SPATA16: variants seen among roughly 807,000 people sequenced by gnomAD.
SPATA16 encodes spermatogenesis associated 16, also known as spermatogenesis-associated protein 16.
Under a neutral mutation model 63.3 loss-of-function variants are expected in SPATA16, and 36 were observed. That is an observed-to-expected ratio of 0.57 (90% CI 0.44 to 0.75). SPATA16 has a LOEUF of 0.75. SPATA16 is among the 30% of genes least tolerant of loss of function. The probability of loss-of-function intolerance (pLI) is 0.00; values close to 1 mark genes in which losing one functional copy is unlikely to be tolerated. For synonymous variants in SPATA16, 203 were observed against 216.7 expected, an observed-to-expected ratio of 0.94 and a Z score of 0.56; for missense variants, 646 against 679.3, an observed-to-expected ratio of 0.95 and a Z score of 0.54.
intron 2 of SPATA16, among the ~76,000 whole-genome samples, chr3:173,093,214 G>A (rs895158806): frequency 6.6e-6 from 1 of 152,002 alleles, no homozygotes. Flanking sequence ...GGTGGTGTTA[G>A]AAGATAGTAG....
chr3:173,129,053 T>C (rs1457636186), intron 1 of SPATA16, among the ~76,000 whole-genome samples: 1 of 152,262 alleles, frequency 6.6e-6, no homozygotes, highest in East Asian at 1.9e-4. Context: ...AATACGTTTA[T>C]AAGAACGAAT....
intron 1 of SPATA16, among the ~76,000 whole-genome samples, chr3:173,131,494 T>C (rs1481939838): frequency 6.7e-6 from 1 of 149,726 alleles, no homozygotes; most frequent in Non-Finnish European, 1.5e-5. Flanking sequence ...ACTGAAGGAG[T>C]GTCACTGGTG....
rs1339697390 is a variant in SPATA16, at chr3:172,971,719, A to T, written c.933+5249T>A. On this transcript the variant is annotated intron_variant, in intron 5 of 10. Coordinates refer to ENST00000351008, the MANE Select transcript of SPATA16 (RefSeq NM_031955.6). ...TAAAGGTATCCACTAACTTAAGAAGACTCTGGACACTATTGCCAAGGTTTC... is the reference window on the plus strand; with the variant it reads ...TAAAGGTATCCACTAACTTAAGAAGTCTCTGGACACTATTGCCAAGGTTTC... Among the ~76,000 whole-genome samples the T allele has an allele frequency of 3.3e-5, 5 of 152,198 alleles. No homozygotes were observed. In the East Asian group the frequency reaches 9.7e-4, roughly 29 times the overall value.
intron 4 of SPATA16, among the ~76,000 whole-genome samples, chr3:173,011,052 A>G (rs1735061654): frequency 6.6e-6 from 1 of 151,854 alleles, no homozygotes; most frequent in Admixed American, 6.6e-5. Context: ...TCCAAAAAAA[A>G]TCAAGGAGGA....
chr3:173,064,673 T>C (rs1326282809), intron 2 of SPATA16, among the ~76,000 whole-genome samples: 1 of 152,184 alleles, frequency 6.6e-6, no homozygotes, highest in Non-Finnish European at 1.5e-5. Flanking sequence ...TCATGAGACA[T>C]GTTCTTCTCA....
chr3:172,905,542 C>A (rs1322541962), intron 10 of SPATA16, among the ~76,000 whole-genome samples: 1 of 152,198 alleles, frequency 6.6e-6, no homozygotes, highest in African/African-American at 2.4e-5. Context: ...AATTTGTATT[C>A]TCTCCTGTTT....
rs879691808 is a variant in SPATA16, at chr3:173,043,040, T to C, written c.758+5909A>G. 2.4e-4 allele frequency among the ~76,000 whole-genome samples: 37 copies of C among 152,116 alleles called. 1 individual carries two copies. Among genetic ancestry groups the C allele is most frequent in the Admixed American group, 2.2e-3 (33 of 15,252 alleles). On this transcript the variant is annotated intron_variant, in intron 3 of 10. Coordinates refer to ENST00000351008, the MANE Select transcript of SPATA16 (RefSeq NM_031955.6). ...ATTGTATAGTGTATCATTTTTCATT[T>C]TTTTACTTTCAATGTATGCTTTATA...
intron 4 of SPATA16, among the ~76,000 whole-genome samples, chr3:173,005,785 A>G (rs1272650760): frequency 1.3e-5 from 2 of 152,154 alleles, no homozygotes; most frequent in African/African-American, 2.4e-5. Context: ...GTGTTTTTCT[A>G]TATTTTTACA....
chr3:172,939,657 T>A (rs1339585019), intron 6 of SPATA16, among the ~76,000 whole-genome samples: 2 of 152,318 alleles, frequency 1.3e-5, no homozygotes, highest in Admixed American at 6.5e-5. Flanking sequence ...CTAAGAGTAA[T>A]GTCCTTTTAA....
chr3:172,962,434 G>A (rs1560080965), intron 5 of SPATA16, among the ~76,000 whole-genome samples: 1 of 151,820 alleles, frequency 6.6e-6, no homozygotes, highest in African/African-American at 2.4e-5. Context: ...TGAAATTTGG[G>A]GTTGTTTGTT....
At chr3:173,003,463 A>G (rs1320381805) in intron 4 of SPATA16, among the ~76,000 whole-genome samples, 4 of 152,240 alleles carry the variant, frequency 2.6e-5, no homozygotes, top group African/African-American at 9.6e-5. Flanking sequence ...AATAAAGCAC[A>G]AAGTCCAGAT....
At chr3:173,086,939 T>G (rs1165624778) in intron 2 of SPATA16, among the ~76,000 whole-genome samples, 1 of 152,198 alleles carries the variant, frequency 6.6e-6, no homozygotes, top group Non-Finnish European at 1.5e-5. Context: ...AGGAGTGTTT[T>G]ATTTCCAATA....
rs756972080 is a variant in SPATA16, at chr3:172,925,326, T to C, written c.1228+20A>G. 1.2e-5 allele frequency: 20 copies of C among 1,613,538 alleles called. No homozygotes were observed. In the South Asian group the frequency reaches 2.2e-4, roughly 18 times the overall value. On this transcript the variant is annotated intron_variant, in intron 7 of 10. Coordinates refer to ENST00000351008, the MANE Select transcript of SPATA16 (RefSeq NM_031955.6). ...TCACAGGCTACTATATGCTAGACCTTGTAGGTTCAGATGATTTACCTGTGA... is the reference window on the plus strand; with the variant it reads ...TCACAGGCTACTATATGCTAGACCTCGTAGGTTCAGATGATTTACCTGTGA...
intron 6 of SPATA16, among the ~76,000 whole-genome samples, chr3:172,928,629 C>T (rs962182892): frequency 6.6e-6 from 1 of 152,134 alleles, no homozygotes; most frequent in Non-Finnish European, 1.5e-5. Context: ...GAGAGCAATA[C>T]TATTATTGGC....
intron 3 of SPATA16, among the ~76,000 whole-genome samples, chr3:173,021,100 C>G (rs952348166): frequency 5.3e-5 from 8 of 152,012 alleles, no homozygotes; most frequent in Non-Finnish European, 1.0e-4. Flanking sequence ...AGAAACACTG[C>G]ATATAAAAAG....
intron 4 of SPATA16, among the ~76,000 whole-genome samples, chr3:173,018,273 A>AT (rs72021279): frequency 0.034 from 4,731 of 137,634 alleles, 154 homozygotes; most frequent in African/African-American, 0.081. Context: ...CACAATGTCA[A>AT]TTTTTTTTTT....
At chr3:172,942,381 C>T (rs1040768475) in intron 6 of SPATA16, among the ~76,000 whole-genome samples, 6 of 151,970 alleles carry the variant, frequency 3.9e-5, no homozygotes, top group Non-Finnish European at 7.4e-5. Context: ...AAAAGAAATA[C>T]TAGAAAAATA....
intron 5 of SPATA16, among the ~76,000 whole-genome samples, chr3:172,962,279 G>T (rs1445088317): frequency 2.3e-5 from 2 of 88,064 alleles, no homozygotes; most frequent in African/African-American, 5.6e-5. Flanking sequence ...AAAAAAAAAA[G>T]GACTCACAGG....
Position 173,072,306 on chromosome 3 carries a change from T to A in SPATA16, c.613-23212A>T, listed in dbSNP as rs142726126. Among the ~76,000 whole-genome samples the A allele has an allele frequency of 5.9e-5, 9 of 152,306 alleles. No individual in the cohort carries two copies. In the East Asian group the frequency reaches 1.7e-3, roughly 29 times the overall value. On this transcript the variant is annotated intron_variant, in intron 2 of 10. Coordinates refer to ENST00000351008, the MANE Select transcript of SPATA16 (RefSeq NM_031955.6). ...GAGGCCATCATCATAAGTGAATTAA[T>A]GCAGCAACAGAAAACCAAATACTGC...
Sources: allele counts gnomAD v4.1 joint callset (sites outside exome capture counted in the v4.1 genomes callset), GRCh38; gene constraint gnomAD v4.1.1; transcripts MANE v1.5; gene names NCBI Gene and HGNC (gene_info 2026-07-23, HGNC 2026-07-21).